Variants in SLCO3A1 observed in about 807,000 individuals in gnomAD.
SLCO3A1 encodes the protein PGE1 transporter.
In SLCO3A1, 27 loss-of-function variants were observed where a neutral mutation model predicts 63.1. That is an observed-to-expected ratio of 0.43 (90% CI 0.32 to 0.59). The LOEUF (loss-of-function observed/expected upper bound fraction) is 0.59, where lower values mean the gene tolerates loss of function less well. SLCO3A1 is among the 20% of genes least tolerant of loss of function. The probability of loss-of-function intolerance (pLI) is 0.09; values close to 1 mark genes in which losing one functional copy is unlikely to be tolerated. For missense variants in SLCO3A1, 773 were observed against 945.8 expected, an observed-to-expected ratio of 0.82 and a Z score of 2.40; for synonymous variants, 473 against 409.9, an observed-to-expected ratio of 1.15 and a Z score of -1.86.
At chr15:91,993,796 C>T (rs115182993) in intron 2 of SLCO3A1, among the ~76,000 whole-genome samples, 2,485 of 152,216 alleles carry the variant, frequency 0.016, 74 homozygotes, top group African/African-American at 0.057. Flanking sequence ...AAGGCTAGAT[C>T]GTAAAAGATG....
chr15:92,091,168 C>A (rs1245206831), intron 2 of SLCO3A1, among the ~76,000 whole-genome samples: 1 of 152,182 alleles, frequency 6.6e-6, no homozygotes, highest in African/African-American at 2.4e-5. Context: ...TAAACTTCCC[C>A]CTGGGGTCAT....
rs976228592 is a variant in SLCO3A1 at position 92,033,013 on chromosome 15, G to C, written c.647-61868G>C. ...GGGGAAGTCCATGTCAGTGGATTTA[G>C]CTGGTAGTGTGGGATGTGGGTTTAG... On this transcript the variant is annotated intron_variant, in intron 2 of 9. Coordinates refer to ENST00000318445, the MANE Select transcript of SLCO3A1 (RefSeq NM_013272.4). The surrounding 1 kb of genome is among the most constrained non-coding windows in gnomAD (Gnocchi z 4.5). Among the ~76,000 whole-genome samples, 2 of 152,186 alleles carry C rather than the reference G, an allele frequency of 1.3e-5. No homozygotes were observed. Among genetic ancestry groups the C allele is most frequent in the Non-Finnish European group, 2.9e-5 (2 of 68,036 alleles).
chr15:92,121,781 G>A (rs1242752867), intron 5 of SLCO3A1, among the ~76,000 whole-genome samples: 1 of 152,214 alleles, frequency 6.6e-6, no homozygotes, highest in Admixed American at 6.5e-5. Context: ...CAGAGAATGT[G>A]GATCATGGAA....
chr15:92,101,959 C>T (rs1194095778), intron 3 of SLCO3A1, among the ~76,000 whole-genome samples: 1 of 152,186 alleles, frequency 6.6e-6, no homozygotes, highest in Admixed American at 6.5e-5. Context: ...CCTCCCCCAT[C>T]GCCATCCCTC....
intron 7 of SLCO3A1, among the ~76,000 whole-genome samples, chr15:92,136,061 G>A (rs2048053329): frequency 6.6e-6 from 1 of 152,126 alleles, no homozygotes; most frequent in Non-Finnish European, 1.5e-5. Context: ...GTTTGAGACT[G>A]CAGTAAGCTA....
At chr15:92,133,395 T>C (rs996400674) in intron 7 of SLCO3A1, among the ~76,000 whole-genome samples, 4 of 146,470 alleles carry the variant, frequency 2.7e-5, no homozygotes, top group Admixed American at 2.0e-4. Context: ...GAGTTAGATA[T>C]GCCATATAGC....
chr15:91,915,643 A>T (rs1898629030), intron 1 of SLCO3A1, among the ~76,000 whole-genome samples: 1 of 151,794 alleles, frequency 6.6e-6, no homozygotes, highest in Non-Finnish European at 1.5e-5. Flanking sequence ...GCACTTCAGG[A>T]CTTTTATAGG....
At position 92,074,782 on chromosome 15, in the gene SLCO3A1, G is replaced by A. The variant is rs779617146; in HGVS notation, c.647-20099G>A. On this transcript the variant is annotated intron_variant, in intron 2 of 9. Transcript: ENST00000318445. ...CGAGAGAGCTGACAAGCAGGGCGGT[G>A]GGGGGTGGCCAGGAGCTGACATGGC... Among the ~76,000 whole-genome samples, 412 of 23,304 alleles carry A rather than the reference G, an allele frequency of 0.018. 11 individuals carry two copies. The Admixed American group carries it at 0.2, about 11-fold the overall frequency. The allele number at this position is 23,304 out of a possible 152,430, so 15.3% of individuals were successfully genotyped here.
chr15:91,895,156 A>C (rs1195974017), intron 1 of SLCO3A1, among the ~76,000 whole-genome samples: 2 of 152,220 alleles, frequency 1.3e-5, no homozygotes. Flanking sequence ...CCTTTAAAGC[A>C]AAATGAGCTG....
chr15:91,990,775 G>T (rs2046116781), intron 2 of SLCO3A1, among the ~76,000 whole-genome samples: 1 of 152,092 alleles, frequency 6.6e-6, no homozygotes, highest in Non-Finnish European at 1.5e-5. Context: ...TGCCTAGAAT[G>T]CCCCCTGCCA....
intron 2 of SLCO3A1, among the ~76,000 whole-genome samples, chr15:92,023,705 G>A (rs1463738067): frequency 6.6e-6 from 1 of 152,222 alleles, no homozygotes; most frequent in Non-Finnish European, 1.5e-5. Flanking sequence ...CTGGCCTCAA[G>A]TGATCCAGCC....
intron 2 of SLCO3A1, among the ~76,000 whole-genome samples, chr15:92,008,520 G>A (rs182713185): frequency 2.0e-4 from 31 of 152,258 alleles, no homozygotes; most frequent in Non-Finnish European, 2.9e-4. Context: ...AGATGTTTTC[G>A]TTTTAAATTC....
chr15:92,097,103 A>G (rs1234178055), intron 3 of SLCO3A1, among the ~76,000 whole-genome samples: 5 of 152,216 alleles, frequency 3.3e-5, no homozygotes, highest in Non-Finnish European at 7.3e-5. Flanking sequence ...CAAAGTGGCC[A>G]GATAGCATAT....
rs1185899742 is a variant in SLCO3A1 at position 92,026,024 on chromosome 15, G to T, written c.647-68857G>T. Among the ~76,000 whole-genome samples the T allele has an allele frequency of 3.9e-5, 6 of 152,288 alleles. No homozygotes were observed. In the East Asian group the frequency reaches 5.8e-4, roughly 15 times the overall value. The stretch of plus-strand genomic sequence containing the variant: ...CTTTGGCCTGTTTCTTTTGCCCCAG[G>T]TCAGCGCATCCCTGAGAGCTCTGCT... On this transcript the variant is annotated intron_variant, in intron 2 of 9. Coordinates refer to ENST00000318445, the MANE Select transcript of SLCO3A1 (RefSeq NM_013272.4).
intron 7 of SLCO3A1, among the ~76,000 whole-genome samples, chr15:92,143,272 C>A (rs888061518): frequency 1.5e-5 from 2 of 132,814 alleles, no homozygotes; most frequent in Non-Finnish European, 3.1e-5. Context: ...TGGATGGTTG[C>A]AAGTAGTTTG....
chr15:92,033,343 C>T lies in SLCO3A1; in HGVS notation c.647-61538C>T, dbSNP rs961362069. Among the ~76,000 whole-genome samples the T allele has an allele frequency of 1.1e-4, 16 of 152,212 alleles. No homozygotes were observed. The highest frequency in any genetic ancestry group is 3.9e-4 in the African/African-American group (16 of 41,450). ...GCCCTTTGGAGAGACTTCTGCAACC[C>T]TCCTCTCCTCCAAGAGCAGGGTAAC... On this transcript the variant is annotated intron_variant, in intron 2 of 9. Transcript: ENST00000318445. The surrounding 1 kb of genome is among the most constrained non-coding windows in gnomAD (Gnocchi z 4.5).
At chr15:92,034,433 G>T (rs1213473385) in intron 2 of SLCO3A1, among the ~76,000 whole-genome samples, 1 of 151,474 alleles carries the variant, frequency 6.6e-6, no homozygotes, top group Non-Finnish European at 1.5e-5. Flanking sequence ...GGAAGTCGGG[G>T]GAATGTGAGT....
In SLCO3A1 at chr15:91,863,660, G is replaced by A. The variant is rs1897099132; in HGVS notation, c.180+9572G>A. Among the ~76,000 whole-genome samples the A allele has an allele frequency of 6.6e-6, 1 of 152,180 alleles. No individual in the cohort carries two copies. The highest frequency in any genetic ancestry group is 1.5e-5 in the Non-Finnish European group (1 of 68,050). On this transcript the variant is annotated intron_variant, in intron 1 of 9. Coordinates refer to ENST00000318445, the MANE Select transcript of SLCO3A1 (RefSeq NM_013272.4). The surrounding 1 kb of genome is among the most constrained non-coding windows in gnomAD (Gnocchi z 4.3). Reference sequence around the variant, plus strand: ...CAACCTCCTCCTGAAATGTAGGAAAGGAGCATATTTTTTTGGCCGGAGTGA... The same window carrying A: ...CAACCTCCTCCTGAAATGTAGGAAAAGAGCATATTTTTTTGGCCGGAGTGA...
chr15:91,915,959 G>T (rs1476117332), intron 1 of SLCO3A1, 34 bp from the exon 2 acceptor site: 1 of 1,560,360 alleles, frequency 6.4e-7, no homozygotes, highest in South Asian at 1.1e-5. Flanking sequence ...CATCTTCTTG[G>T]ATTGGCTCTG....
Sources: gnomAD v4.1 joint callset for allele counts (sites outside exome capture counted in the v4.1 genomes callset) on GRCh38, gnomAD v4.1.1 for gene constraint, Gnocchi (gnomAD v3.1) non-coding constraint, MANE v1.5 for transcripts, NCBI Gene and HGNC (gene_info 2026-07-23, HGNC 2026-07-21) for gene names.